ZNF333: variants seen among roughly 807,000 people sequenced by gnomAD.
The protein encoded by ZNF333 is zinc finger protein 333.
In ZNF333, 61 loss-of-function variants were observed where a neutral mutation model predicts 76.1. That is an observed-to-expected ratio of 0.80 (90% CI 0.65 to 0.99). The LOEUF is 0.99. ZNF333 is among the 50% of genes least tolerant of loss of function. ZNF333 has a pLI of 0.00. For synonymous variants in ZNF333, 284 were observed against 305.0 expected (o/e 0.93, Z 0.72); for missense variants, 717 against 822.4 (o/e 0.87, Z 1.57).
Position 14,718,986 on chromosome 19 carries a change from GC to G in ZNF333, c.1660del (p.Arg554GlufsTer56). 6.2e-7 allele frequency: 1 copy of G among 1,614,110 alleles called. No individual in the cohort carries two copies. The highest frequency in any genetic ancestry group is 8.5e-7 in the Non-Finnish European group (1 of 1,180,016). On this transcript the variant is annotated frameshift_variant, in exon 12 of 12. Coordinates refer to ENST00000292530, the MANE Select transcript of ZNF333 (RefSeq NM_032433.4). LOFTEE classifies it high-confidence loss of function. ...SRLSTLKSHM[R>X]THTGEKPYVC... The stretch of plus-strand genomic sequence containing the variant: ...GTCTTTCAACCCTGAAGAGTCACAT[GC>G]GAACTCACACTGGAGAGAAGCCCTA...
intron 7 of ZNF333, chr19:14,708,400 C>T (rs1290270312): frequency 1.5e-5 from 6 of 401,142 alleles, no homozygotes; most frequent in Non-Finnish European, 2.7e-5. Context: ...ACACCGACCC[C>T]TCCTCCGTGG....
At chr19:14,723,638 C>A (rs1480310001), downstream of ZNF333, among the ~76,000 whole-genome samples, 1 of 151,960 alleles carries the variant, frequency 6.6e-6, no homozygotes, top group East Asian at 1.9e-4. Context: ...TCTCAATTTC[C>A]TTTTTGGGTT....
rs372937812 is a variant in ZNF333, at chr19:14,718,602, T to A, written c.1275T>A (p.Ser425Arg). Residue 425 changes from serine (S) to arginine (R), a missense_variant, in exon 12 of 12, where the codon AGT becomes AGA. By Grantham distance (110) the Ser-to-Arg change is moderately radical. Coordinates refer to ENST00000292530, the MANE Select transcript of ZNF333 (RefSeq NM_032433.4). ...THTGEKPFEC[S>R]QCGKTFTRNF... ...CCGGAGAGAAGCCATTTGAATGTAG[T>A]CAGTGTGGGAAAACCTTCACGAGGA... The A allele has an allele frequency of 6.6e-5, 106 of 1,613,562 alleles. No homozygotes were observed. Among genetic ancestry groups the A allele is most frequent in the Non-Finnish European group, 8.7e-5 (103 of 1,179,980 alleles).
chr19:14,695,436 C>G (rs1973107984), intron 3 of ZNF333, 130 bp from the exon 4 acceptor site: 15 of 926,870 alleles, frequency 1.6e-5, no homozygotes, highest in Non-Finnish European at 2.4e-5. Flanking sequence ...TGCTACCCAT[C>G]ACACTTGCTC....
intron 5 of ZNF333, among the ~76,000 whole-genome samples, chr19:14,703,077 G>A (rs1216077332): frequency 2.0e-5 from 3 of 151,752 alleles, no homozygotes; most frequent in South Asian, 2.1e-4. Flanking sequence ...GGTGGCGGGC[G>A]CCTGTAGTCC....
chr19:14,702,396 C>G (rs572008124), intron 5 of ZNF333, among the ~76,000 whole-genome samples: 1 of 152,336 alleles, frequency 6.6e-6, no homozygotes, highest in South Asian at 2.1e-4. Flanking sequence ...TGGTGTGCAC[C>G]TGTAGTTCAG....
At chr19:14,729,360 CTTT>C (rs59225167) in intron 11 of ZNF333, among the ~76,000 whole-genome samples, 3 of 146,920 alleles carry the variant, frequency 2.0e-5, no homozygotes, top group Non-Finnish European at 4.5e-5. Context: ...AAACGATACA[CTTT>C]TTTTTTTTGT....
Position 14,719,836 on chromosome 19 carries a change from C to T in ZNF333, c.*511C>T, listed in dbSNP as rs2042550562. On this transcript the variant is annotated 3_prime_UTR_variant, in exon 12 of 12. Transcript: ENST00000292530. ...CTGCCAACCCAAATTACCCCTTCCT[C>T]CTTAGAAAAGAACCTGGGTTTTCTG... 4.1e-6 allele frequency: 4 copies of T among 986,594 alleles called. No homozygotes were observed. In the South Asian group the frequency reaches 1.9e-4, roughly 46 times the overall value. 61.1% of individuals were successfully genotyped at this position (986,594 alleles called of 1,614,324 possible).
chr19:14,692,375 G>A (rs1972838692), intron 1 of ZNF333, among the ~76,000 whole-genome samples: 2 of 152,160 alleles, frequency 1.3e-5, no homozygotes, highest in Non-Finnish European at 2.9e-5. Context: ...CTTTCAGGCA[G>A]TACGAAGCCT....
At position 14,720,554 on chromosome 19, in the gene ZNF333, G is replaced by C; in HGVS notation, c.*1229G>C. 1.0e-6 allele frequency: 1 copy of C among 985,390 alleles called. No individual in the cohort carries two copies. The highest frequency in any genetic ancestry group is 1.2e-6 in the Non-Finnish European group (1 of 829,918). 61.0% of individuals were successfully genotyped at this position (985,390 alleles called of 1,614,324 possible). On this transcript the variant is annotated 3_prime_UTR_variant, in exon 12 of 12. Transcript: ENST00000292530. ...AGCAGCCCTGGACTATTTATTTCTG[G>C]ATGTCCCATACATGAAAAATATGCA...
Position 14,695,576 on chromosome 19 carries a change from A to G in ZNF333, c.138A>G (p.Pro46=). Residue 46 remains proline, a synonymous_variant, in exon 4 of 12, where the codon CCA becomes CCG. Transcript: ENST00000292530. ...CRTLASRGTP[P]CKPSCVSQLG... Reference sequence around the variant, plus strand: ...TTTCTTCATGTGCAGGAACTCCACCATGCAAACCCAGTTGTGTCTCCCAGC... The same window carrying G: ...TTTCTTCATGTGCAGGAACTCCACCGTGCAAACCCAGTTGTGTCTCCCAGC... The G allele has an allele frequency of 6.2e-7, 1 of 1,614,148 alleles. No individual in the cohort carries two copies. The highest frequency in any genetic ancestry group is 8.5e-7 in the Non-Finnish European group (1 of 1,180,006).
At chr19:14,711,772 G>T (rs1270830864) in intron 7 of ZNF333, among the ~76,000 whole-genome samples, 2 of 152,188 alleles carry the variant, frequency 1.3e-5, no homozygotes, top group Non-Finnish European at 2.9e-5. Context: ...AGGTATCGGG[G>T]ACAGGATGGT....
intron 7 of ZNF333, chr19:14,708,337 C>G (rs2042177596): frequency 5.0e-6 from 2 of 401,132 alleles, no homozygotes; most frequent in Middle Eastern, 3.1e-4. Context: ...GCGGGTAACA[C>G]CACTACTGTC....
chr19:14,706,857 T>A, intron 7 of ZNF333, 84 bp downstream of exon 7: 1 of 1,203,358 alleles, frequency 8.3e-7, no homozygotes, highest in Non-Finnish European at 1.2e-6. Flanking sequence ...CTATCCTGCC[T>A]GCATTTCCTC....
At chr19:14,723,480 C>T (rs2042614216), downstream of ZNF333, among the ~76,000 whole-genome samples, 1 of 152,142 alleles carries the variant, frequency 6.6e-6, no homozygotes, top group African/African-American at 2.4e-5. Flanking sequence ...AGTCATTCAG[C>T]CCGTGAACAT....
intron 11 of ZNF333, among the ~76,000 whole-genome samples, chr19:14,728,281 A>C (rs751744385): frequency 9.2e-5 from 14 of 152,254 alleles, no homozygotes; most frequent in Non-Finnish European, 1.9e-4. Flanking sequence ...AAGGCATGAG[A>C]TAATTCTTCG....
chr19:14,718,689 T>C lies in ZNF333; in HGVS notation c.1362T>C (p.Asp454=), dbSNP rs1315504366. 3 of 1,613,566 alleles carry C rather than the reference T, an allele frequency of 1.9e-6. No homozygotes were observed. Among genetic ancestry groups the C allele is most frequent in the Admixed American group, 3.3e-5 (2 of 59,974 alleles). ...HTGEKPYECK[D]CGKAFNQPSS... The stretch of plus-strand genomic sequence containing the variant: ...GAGAGAAGCCCTACGAGTGTAAAGA[T>C]TGTGGGAAAGCCTTCAATCAGCCAT... Residue 454 remains aspartate (D), a synonymous_variant, in exon 12 of 12, where the codon GAT becomes GAC. Transcript: ENST00000292530.
At chr19:14,704,978 A>G in intron 5 of ZNF333, 76 bp from the exon 6 acceptor site, 1 of 1,465,698 alleles carries the variant, frequency 6.8e-7, no homozygotes, top group South Asian at 1.2e-5. Flanking sequence ...CTAAGCCCCA[A>G]ACCAAAGGTC....
chr19:14,706,844 A>G lies in ZNF333; in HGVS notation c.511+71A>G, dbSNP rs949734815. 8.9e-6 allele frequency: 12 copies of G among 1,341,404 alleles called. No individual in the cohort carries two copies. In the Admixed American group the frequency reaches 2.2e-4, roughly 25 times the overall value. The allele number at this position is 1,341,404 out of a possible 1,614,324, so 83.1% of individuals were successfully genotyped here. On this transcript the variant is annotated intron_variant, in intron 7 of 11. Coordinates refer to ENST00000292530, the MANE Select transcript of ZNF333 (RefSeq NM_032433.4). The stretch of plus-strand genomic sequence containing the variant: ...CCTTGTGTTCTGTCCAGGAACTTGT[A>G]TCCTATCCTGCCTGCATTTCCTCTG...
Sources: gnomAD v4.1 joint callset for allele counts (sites outside exome capture counted in the v4.1 genomes callset) on GRCh38, gnomAD v4.1.1 for gene constraint, MANE v1.5 for transcripts, NCBI Gene and HGNC (gene_info 2026-07-23, HGNC 2026-07-21) for gene names.